Variants in IQGAP2 observed in about 807,000 individuals in gnomAD.
IQGAP2 encodes the protein ras GTPase-activating-like protein IQGAP2.
In IQGAP2, 173 loss-of-function variants were observed where a neutral mutation model predicts 201.3. That is an observed-to-expected ratio of 0.86 (90% CI 0.76 to 0.98). IQGAP2 has a LOEUF of 0.98. IQGAP2 is among the 50% of genes least tolerant of loss of function. The pLI is 0.00. For missense variants in IQGAP2, 1,687 were observed against 1,864.8 expected, an observed-to-expected ratio of 0.90 and a Z score of 1.76; for synonymous variants, 675 against 673.9, an observed-to-expected ratio of 1.00 and a Z score of -0.03.
At chr5:76,665,827 C>T (rs1456565892) in intron 22 of IQGAP2, among the ~76,000 whole-genome samples, 3 of 152,122 alleles carry the variant, frequency 2.0e-5, no homozygotes, top group Non-Finnish European at 2.9e-5. Flanking sequence ...TGATTCAGCC[C>T]GTCAGCCCTA....
intron 2 of IQGAP2, among the ~76,000 whole-genome samples, chr5:76,496,752 T>TCTTTCTTTCTTTCTTTCTTTC (rs1756969201): frequency 1.5e-5 from 1 of 67,220 alleles, no homozygotes; most frequent in East Asian, 3.7e-4. Context: ...TTTCTTTCTT[T>TCTTTCTTTCTTTCTTTCTTTC]CTTTCTTTCT....
intron 13 of IQGAP2, among the ~76,000 whole-genome samples, chr5:76,626,524 G>A (rs1489825533): frequency 1.3e-5 from 2 of 152,018 alleles, no homozygotes; most frequent in Non-Finnish European, 2.9e-5. Flanking sequence ...ACCACCCTCA[G>A]CCTCTCAAAG....
intron 12 of IQGAP2, chr5:76,607,076 C>T (rs1241843929): frequency 1.3e-5 from 2 of 152,204 alleles, no homozygotes; most frequent in African/African-American, 2.4e-5. Flanking sequence ...CCTCCACCTT[C>T]CAGCTTTGAC....
intron 21 of IQGAP2, 71 bp from the exon 22 acceptor site, chr5:76,664,955 T>C: frequency 1.2e-6 from 1 of 868,422 alleles, no homozygotes; most frequent in Non-Finnish European, 1.9e-6. Flanking sequence ...TGTGTTTCAA[T>C]CCTATATGTG....
chr5:76,617,960 G>A (rs1176256850), intron 13 of IQGAP2: 3 of 1,614,038 alleles, frequency 1.9e-6, no homozygotes, highest in South Asian at 1.1e-5. Flanking sequence ...CGCAAGTGTT[G>A]TGAACATCAT....
intron 30 of IQGAP2, among the ~76,000 whole-genome samples, chr5:76,686,054 A>G (rs752682217): frequency 2.0e-5 from 3 of 152,176 alleles, no homozygotes; most frequent in Non-Finnish European, 2.9e-5. Flanking sequence ...ATGACCAGTA[A>G]TGTTGAGGAT....
At chr5:76,424,002 T>G (rs938225647) in intron 1 of IQGAP2, among the ~76,000 whole-genome samples, 3 of 152,194 alleles carry the variant, frequency 2.0e-5, no homozygotes, top group African/African-American at 7.2e-5. Context: ...AGAAGCTCTT[T>G]AATCAGGCAG....
intron 2 of IQGAP2, among the ~76,000 whole-genome samples, chr5:76,473,768 T>C (rs1036720273): frequency 8.5e-5 from 13 of 152,238 alleles, no homozygotes; most frequent in Admixed American, 6.5e-4. Flanking sequence ...AATTATCTTT[T>C]TGGTTTTGCC....
At chr5:76,704,705 C>G (rs993275190) in intron 35 of IQGAP2, among the ~76,000 whole-genome samples, 1 of 152,186 alleles carries the variant, frequency 6.6e-6, no homozygotes, top group African/African-American at 2.4e-5. Flanking sequence ...GGACCCTGTG[C>G]GGCTGCACAG....
chr5:76,428,393 GAACCCAC>G (rs1752132859), intron 1 of IQGAP2, among the ~76,000 whole-genome samples: 1 of 151,746 alleles, frequency 6.6e-6, no homozygotes, highest in African/African-American at 2.4e-5. Flanking sequence ...GGGAGCCCAG[GAACCCAC>G]TGTTCTGCGC....
chr5:76,570,103 A>C (rs1464338675), intron 3 of IQGAP2, among the ~76,000 whole-genome samples: 9 of 152,166 alleles, frequency 5.9e-5, no homozygotes, highest in Non-Finnish European at 1.0e-4. Context: ...GTATTTTGCT[A>C]TATTTTCCTA....
At chr5:76,472,575 C>T (rs578225168) in intron 2 of IQGAP2, among the ~76,000 whole-genome samples, 2 of 152,284 alleles carry the variant, frequency 1.3e-5, no homozygotes, top group South Asian at 2.1e-4. Context: ...CAGCAGGACA[C>T]ATTTCGTGTT....
chr5:76,591,837 T>C (rs999750378), intron 8 of IQGAP2, among the ~76,000 whole-genome samples: 1 of 152,210 alleles, frequency 6.6e-6, no homozygotes, highest in African/African-American at 2.4e-5. Context: ...TAACTTTGTC[T>C]GTGTCCCTCT....
chr5:76,429,459 C>A (rs565445988), intron 1 of IQGAP2, among the ~76,000 whole-genome samples: 1 of 151,016 alleles, frequency 6.6e-6, no homozygotes, highest in African/African-American at 2.4e-5. Flanking sequence ...GTAGTCCCAG[C>A]TACTTGGGGG....
At position 76,701,177 on chromosome 5, in the gene IQGAP2, G is replaced by C; in HGVS notation, c.4469G>C (p.Gly1490Ala). 1.9e-6 allele frequency: 3 copies of C among 1,614,208 alleles called. No individual in the cohort carries two copies. The highest frequency in any genetic ancestry group is 2.5e-6 in the Non-Finnish European group (3 of 1,179,990). Residue 1490 changes from glycine to alanine, a missense_variant, in exon 34 of 36, where the codon GGT becomes GCT. Physicochemically the swap from Gly to Ala is moderately conservative, Grantham distance 60. Transcript: ENST00000274364. The stretch of plus-strand genomic sequence containing the variant: ...ACTGCAGCAAAGCTGCATGAGAAAG[G>C]TGTCCTGCTAGATATAGATGATCTT... ...KYTAAKLHEK[G>A]VLLDIDDLQT... is the part of the protein sequence containing the mutation.
At chr5:76,587,865 G>C (rs1209245197) in intron 5 of IQGAP2, among the ~76,000 whole-genome samples, 1 of 150,774 alleles carries the variant, frequency 6.6e-6, no homozygotes, top group Non-Finnish European at 1.5e-5. Flanking sequence ...AGAATCGCTT[G>C]AACCCAGAAG....
intron 30 of IQGAP2, among the ~76,000 whole-genome samples, chr5:76,689,608 G>A (rs778886659): frequency 1.3e-5 from 2 of 152,124 alleles, no homozygotes; most frequent in Non-Finnish European, 2.9e-5. Context: ...TTAGCTGCTT[G>A]AGTGCTTAAA....
chr5:76,541,538 G>A (rs1742772906), intron 2 of IQGAP2, among the ~76,000 whole-genome samples: 1 of 152,110 alleles, frequency 6.6e-6, no homozygotes, highest in South Asian at 2.1e-4. Context: ...ATTCTTTGGG[G>A]ATATTATAAT....
chr5:76,447,390 G>A (rs1753455372), intron 1 of IQGAP2, among the ~76,000 whole-genome samples: 1 of 152,174 alleles, frequency 6.6e-6, no homozygotes, highest in Non-Finnish European at 1.5e-5. Context: ...ATATAAACCT[G>A]GGCATTCAAG....
Sources: gnomAD v4.1 joint callset for allele counts (sites outside exome capture counted in the v4.1 genomes callset) on GRCh38, gnomAD v4.1.1 for gene constraint, MANE v1.5 for transcripts, NCBI Gene and HGNC (gene_info 2026-07-23, HGNC 2026-07-21) for gene names.